USP20: variants seen among roughly 807,000 people sequenced by gnomAD.
USP20 encodes the protein ubiquitin carboxyl-terminal hydrolase 20.
A neutral mutation model predicts 124.2 loss-of-function variants in USP20; 80 were observed. The observed-to-expected ratio is 0.64, with a 90% CI of 0.54 to 0.78. The LOEUF (loss-of-function observed/expected upper bound fraction) is 0.78. USP20 is among the 30% of genes least tolerant of loss of function. USP20 has a pLI of 0.00. For missense variants in USP20, 1,043 were observed against 1,244.4 expected, an observed-to-expected ratio of 0.84 and a Z score of 2.44; for synonymous variants, 481 against 512.3, an observed-to-expected ratio of 0.94 and a Z score of 0.83.
In USP20 at chr9:129,868,131, G is replaced by C; in HGVS notation, c.817G>C (p.Glu273Gln). ...SDSSDTDEKR[E>Q]GDRSPSEDEF... ...TTCGAGTGACACGGATGAGAAACGGGAGGGTGACCGGAGCCCATCAGAAGA... is the reference window on the plus strand; with the variant it reads ...TTCGAGTGACACGGATGAGAAACGGCAGGGTGACCGGAGCCCATCAGAAGA... The change falls in exon 11 of 26, where the codon GAG becomes CAG. Residue 273 changes from glutamate to glutamine, a missense_variant. Glu to Gln is a conservative substitution (Grantham distance 29). Coordinates refer to ENST00000372429, the MANE Select transcript of USP20 (RefSeq NM_001110303.4). The C allele has an allele frequency of 6.2e-7, 1 of 1,614,212 alleles. No homozygotes were observed. The highest frequency in any genetic ancestry group is 8.5e-7 in the Non-Finnish European group (1 of 1,180,022).
Position 129,867,263 on chromosome 9 carries a change from TG to T in USP20, c.691-738del, listed in dbSNP as rs2033864179. On this transcript the variant is annotated intron_variant, in intron 10 of 25. Transcript: ENST00000372429. ...CCCTGTGTGAGCACACAGATCTCAGTGGGGCTCACTGGGCGCCTCTGCCCGA... is the reference window on the plus strand; with the variant it reads ...CCCTGTGTGAGCACACAGATCTCAGTGGGCTCACTGGGCGCCTCTGCCCGA... Among the ~76,000 whole-genome samples, 5 of 152,246 alleles carry T rather than the reference TG, an allele frequency of 3.3e-5. No homozygotes were observed. In the South Asian group the frequency reaches 1.0e-3, roughly 32 times the overall value.
chr9:129,861,442 G>C, intron 7 of USP20, 101 bp from the exon 8 acceptor site: 1 of 1,048,664 alleles, frequency 9.5e-7, no homozygotes, highest in Non-Finnish European at 1.5e-6. Context: ...CTTGGGTCTT[G>C]GGCAGTTGAG....
At chr9:129,867,906 C>A in intron 10 of USP20, 99 bp from the exon 11 acceptor site, 1 of 1,446,992 alleles carries the variant, frequency 6.9e-7, no homozygotes, top group South Asian at 1.4e-5. Context: ...CCATGAGGTC[C>A]TCCTAGATGG....
chr9:129,852,629 A>C lies in USP20; in HGVS notation c.74A>C (p.Lys25Thr), dbSNP rs749703816. Residue 25 changes from lysine to threonine, a missense_variant, in exon 3 of 26, where the codon AAA becomes ACA. By Grantham distance (78) the Lys-to-Thr change is moderately conservative. Coordinates refer to ENST00000372429, the MANE Select transcript of USP20 (RefSeq NM_001110303.4). Reference sequence around the variant, plus strand: ...GTGACCAAAGAGGACTTGCTGCTCAAATCTAAGGTAAAGGGTCAGACCTTA... The same window carrying C: ...GTGACCAAAGAGGACTTGCTGCTCACATCTAAGGTAAAGGGTCAGACCTTA... ...GEVTKEDLLL[K>T]SKGTCQSCGV... The C allele has an allele frequency of 1.3e-6, 2 of 1,589,138 alleles. No individual in the cohort carries two copies. Among genetic ancestry groups the C allele is most frequent in the Admixed American group, 1.8e-5 (1 of 56,694 alleles).
In USP20 at chr9:129,878,321, C is replaced by A. The variant is rs2034492473; in HGVS notation, c.2410-17C>A. On this transcript the variant is annotated splice_polypyrimidine_tract_variant and intron_variant, in intron 22 of 25. Transcript: ENST00000372429. The stretch of plus-strand genomic sequence containing the variant: ...TGACCTGCCCTCTGTCTCCTCCCGT[C>A]CCTGCCCGCCTGCCAGTTGAACAAG... The A allele has an allele frequency of 1.9e-6, 3 of 1,564,448 alleles. No homozygotes were observed. Among genetic ancestry groups the A allele is most frequent in the Non-Finnish European group, 2.6e-6 (3 of 1,153,520 alleles).
At chr9:129,869,488 C>T in intron 13 of USP20, 63 bp downstream of exon 13, 1 of 1,574,372 alleles carries the variant, frequency 6.4e-7, no homozygotes, top group Non-Finnish European at 8.7e-7. Flanking sequence ...AGCTCTTGCC[C>T]TGACTGGGTG....
chr9:129,871,082 A>AATACAGCAC, intron 15 of USP20, among the ~76,000 whole-genome samples: 1 of 152,274 alleles, frequency 6.6e-6, no homozygotes, highest in Non-Finnish European at 1.5e-5. Flanking sequence ...AGTAGTGTTA[A>AATACAGCAC]ATACATGCAC....
intron 1 of USP20, among the ~76,000 whole-genome samples, chr9:129,846,247 A>ATATATTTTTTT (rs1554742656): frequency 3.1e-5 from 1 of 32,664 alleles, no homozygotes; most frequent in African/African-American, 1.2e-4. Context: ...ATATATATAT[A>ATATATTTTTTT]TTTTTTTTTT....
intron 9 of USP20, 123 bp downstream of exon 9, chr9:129,863,422 G>C (rs926629716): frequency 2.7e-6 from 2 of 730,322 alleles, no homozygotes; most frequent in South Asian, 2.4e-5. Flanking sequence ...TTTGTCCCGG[G>C]TAATGCTTGC....
Position 129,869,365 on chromosome 9 carries a change from C to G in USP20, c.1332C>G (p.Val444=). Residue 444 remains valine (V), a synonymous_variant, in exon 13 of 26, where the codon GTC becomes GTG. Transcript: ENST00000372429. Reference sequence around the variant, plus strand: ...GGAAGGAGCAGCGCTACCGCAGCGTCATCTCAGACATCTTTGACGGCTCCA... The same window carrying G: ...GGAAGGAGCAGCGCTACCGCAGCGTGATCTCAGACATCTTTGACGGCTCCA... ...RRRKEQRYRS[V]ISDIFDGSIL... is the part of the protein sequence containing the mutation. The G allele has an allele frequency of 6.2e-7, 1 of 1,613,736 alleles. No homozygotes were observed. Among genetic ancestry groups the G allele is most frequent in the Non-Finnish European group, 8.5e-7 (1 of 1,180,000 alleles).
chr9:129,851,267 T>C (rs2032904709), intron 2 of USP20, among the ~76,000 whole-genome samples: 1 of 149,794 alleles, frequency 6.7e-6, no homozygotes, highest in South Asian at 2.1e-4. Context: ...ACTTTTTTTT[T>C]TTTTTTTTTT....
At chr9:129,847,727 C>A (rs2032664083) in intron 1 of USP20, among the ~76,000 whole-genome samples, 3 of 152,194 alleles carry the variant, frequency 2.0e-5, no homozygotes, top group African/African-American at 4.8e-5. Flanking sequence ...AAACCCCACA[C>A]CAGACAAGAT....
intron 15 of USP20, among the ~76,000 whole-genome samples, chr9:129,871,873 C>T (rs966081044): frequency 3.3e-5 from 5 of 151,926 alleles, no homozygotes; most frequent in African/African-American, 1.2e-4. Flanking sequence ...CATGCCACCA[C>T]GGCTGGCTAA....
intron 2 of USP20, 124 bp from the exon 3 acceptor site, chr9:129,852,416 C>A: frequency 1.4e-6 from 1 of 736,422 alleles, no homozygotes; most frequent in Non-Finnish European, 2.3e-6. Context: ...AACTTCCCTG[C>A]GTTACCAGCT....
intron 9 of USP20, 48 bp from the exon 10 acceptor site, chr9:129,865,255 G>C: frequency 6.3e-7 from 1 of 1,595,632 alleles, no homozygotes; most frequent in East Asian, 2.2e-5. Context: ...TCGGGAATGA[G>C]CAGCTCAAGG....
chr9:129,854,800 A>G (rs1159658305), intron 3 of USP20, among the ~76,000 whole-genome samples: 6 of 152,212 alleles, frequency 3.9e-5, no homozygotes, highest in Non-Finnish European at 8.8e-5. Flanking sequence ...CCTAAACCAC[A>G]GAGTGCAGAT....
In USP20 at chr9:129,864,644, C is replaced by T. The variant is rs145128562; in HGVS notation, c.612-659C>T. ...CAAAAATTAGCTGGGCATGGTGGCG[C>T]GCACCTGTATTCCCAGCACTTTGGG... On this transcript the variant is annotated intron_variant, in intron 9 of 25. Coordinates refer to ENST00000372429, the MANE Select transcript of USP20 (RefSeq NM_001110303.4). 9.1e-4 allele frequency among the ~76,000 whole-genome samples: 137 copies of T among 151,358 alleles called. 1 individual carries two copies. The East Asian group carries it at 0.012, about 14-fold the overall frequency.
intron 9 of USP20, among the ~76,000 whole-genome samples, chr9:129,864,974 T>A (rs2033752573): frequency 1.3e-5 from 2 of 152,234 alleles, no homozygotes; most frequent in African/African-American, 4.8e-5. Flanking sequence ...TTGTCAATAA[T>A]GAACATGTCT....
chr9:129,878,568 C>A, intron 23 of USP20, 128 bp downstream of exon 23: 1 of 773,528 alleles, frequency 1.3e-6, no homozygotes, highest in Non-Finnish European at 2.1e-6. Flanking sequence ...GCCACCCATC[C>A]AGGGTGAACA....
Sources: allele counts gnomAD v4.1 joint callset (sites outside exome capture counted in the v4.1 genomes callset), GRCh38; gene constraint gnomAD v4.1.1; transcripts MANE v1.5; gene names NCBI Gene and HGNC (gene_info 2026-07-23, HGNC 2026-07-21).